Variants in CEP128 observed in about 807,000 individuals in gnomAD.
The protein encoded by CEP128 is centrosomal protein 128.
Under a neutral mutation model 156.7 loss-of-function variants are expected in CEP128, and 132 were observed. The observed-to-expected ratio is 0.84, with a 90% CI of 0.73 to 0.97. The LOEUF (loss-of-function observed/expected upper bound fraction) is 0.97. Among genes scored for constraint, CEP128 ranks in the 50% least tolerant of loss-of-function variants. CEP128 has a pLI of 0.00. For missense variants in CEP128, 1,252 were observed against 1,281.9 expected, an observed-to-expected ratio of 0.98 and a Z score of 0.36; for synonymous variants, 469 against 448.9, an observed-to-expected ratio of 1.04 and a Z score of -0.57.
At chr14:80,533,552 A>G (rs913077308) in intron 21 of CEP128, among the ~76,000 whole-genome samples, 1 of 152,142 alleles carries the variant, frequency 6.6e-6, no homozygotes, top group Non-Finnish European at 1.5e-5. Flanking sequence ...ATTTTTGACA[A>G]TTATATGATG....
At chr14:80,898,392 C>T (rs1422472185) in intron 7 of CEP128, among the ~76,000 whole-genome samples, 3 of 152,146 alleles carry the variant, frequency 2.0e-5, no homozygotes, top group Non-Finnish European at 2.9e-5. Context: ...CCCAAGAAAC[C>T]TAACTCCTAT....
chr14:80,711,295 T>TTGTG (rs138953286), intron 19 of CEP128, among the ~76,000 whole-genome samples: 19,660 of 145,688 alleles, frequency 0.13, 1,716 homozygotes, highest in African/African-American at 0.25. Flanking sequence ...TAAGACTATG[T>TTGTG]TGTGTGTGTG....
At chr14:80,819,048 G>C in intron 13 of CEP128, among the ~76,000 whole-genome samples, 1 of 152,040 alleles carries the variant, frequency 6.6e-6, no homozygotes, top group East Asian at 1.9e-4. Flanking sequence ...CTTTAACAAA[G>C]CACCACAGAC....
Position 80,831,358 on chromosome 14 carries a change from T to C in CEP128, c.1058-64A>G, listed in dbSNP as rs569528793. The C allele has an allele frequency of 1.5e-4, 223 of 1,504,880 alleles. 1 individual carries two copies. The South Asian group carries it at 2.1e-3, about 14-fold the overall frequency. The allele number at this position is 1,504,880 out of a possible 1,614,324, so 93.2% of individuals were successfully genotyped here. A position where few individuals can be genotyped will look rare whatever the true frequency, so the allele number is the denominator to read the frequency against. On this transcript the variant is annotated intron_variant, in intron 12 of 24. Transcript: ENST00000555265. ...ATTCACAGAAGAATGTACTTTCAAA[T>C]AGTACTGAGCCCTGATGTTTCAATA...
intron 24 of CEP128, among the ~76,000 whole-genome samples, chr14:80,497,868 C>A (rs1256204042): frequency 6.6e-6 from 1 of 152,196 alleles, no homozygotes; most frequent in Non-Finnish European, 1.5e-5. Flanking sequence ...CCGGTGTGCA[C>A]GTGCACACGC....
At chr14:80,936,082 A>G (rs890548423) in intron 2 of CEP128, among the ~76,000 whole-genome samples, 11 of 152,310 alleles carry the variant, frequency 7.2e-5, no homozygotes, top group African/African-American at 2.6e-4. Flanking sequence ...AGAGCAGGAG[A>G]CAGAATCAAA....
intron 21 of CEP128, among the ~76,000 whole-genome samples, chr14:80,550,340 C>T (rs945075004): frequency 6.6e-6 from 1 of 152,092 alleles, no homozygotes; most frequent in Admixed American, 6.6e-5. Flanking sequence ...ATGTATCTCT[C>T]TCACACAGAT....
At chr14:80,939,844 T>A (rs1029984152) in intron 1 of CEP128, among the ~76,000 whole-genome samples, 10 of 152,218 alleles carry the variant, frequency 6.6e-5, no homozygotes, top group Admixed American at 2.6e-4. Flanking sequence ...TGTATGAGCA[T>A]GTCTAAAAGT....
intron 21 of CEP128, among the ~76,000 whole-genome samples, chr14:80,532,295 G>C (rs1221917116): frequency 6.6e-6 from 1 of 152,006 alleles, no homozygotes; most frequent in Non-Finnish European, 1.5e-5. Flanking sequence ...CTGGGCTCAA[G>C]GGATCCTCTG....
chr14:80,796,382 C>T (rs1883478131), intron 13 of CEP128, among the ~76,000 whole-genome samples: 1 of 152,072 alleles, frequency 6.6e-6, no homozygotes, highest in Non-Finnish European at 1.5e-5. Flanking sequence ...ACAGCTTGAA[C>T]CCAGGAGGTG....
rs1211818695 is a variant in CEP128, at chr14:80,747,383, G to A, written c.2614-4116C>T. 2.0e-5 allele frequency among the ~76,000 whole-genome samples: 3 copies of A among 152,110 alleles called. 1 individual carries two copies. The highest frequency in any genetic ancestry group is 2.4e-5 in the African/African-American group (1 of 41,412). The stretch of plus-strand genomic sequence containing the variant: ...TTTAAAAAGTGGAGTATATCCAAAC[G>A]ATGAAACATTATTTGGCCATAAAAA... On this transcript the variant is annotated intron_variant, in intron 18 of 24. Transcript: ENST00000555265.
chr14:80,689,043 A>G (rs1278667351), intron 19 of CEP128, among the ~76,000 whole-genome samples: 1 of 152,128 alleles, frequency 6.6e-6, no homozygotes, highest in Non-Finnish European at 1.5e-5. Flanking sequence ...TACAATATGC[A>G]CTGGAGATAC....
At chr14:80,771,093 ACT>A (rs1290813965) in intron 16 of CEP128, among the ~76,000 whole-genome samples, 1 of 152,188 alleles carries the variant, frequency 6.6e-6, no homozygotes, top group Non-Finnish European at 1.5e-5. Flanking sequence ...ACACTGATTC[ACT>A]GTTTCCTCTC....
At chr14:80,947,093 A>C (rs1191898775) in intron 2 of CEP128, among the ~76,000 whole-genome samples, 1 of 152,152 alleles carries the variant, frequency 6.6e-6, no homozygotes, top group Non-Finnish European at 1.5e-5. Context: ...CTGTACAGCC[A>C]ATAGAACTAT....
intron 8 of CEP128, among the ~76,000 whole-genome samples, chr14:80,880,078 C>T (rs1888460155): frequency 6.6e-6 from 1 of 152,042 alleles, no homozygotes; most frequent in African/African-American, 2.4e-5. Context: ...TGGAAATCTT[C>T]AATAAAATAT....
At chr14:80,935,646 CA>C (rs375122664) in intron 2 of CEP128, among the ~76,000 whole-genome samples, 6 of 51,596 alleles carry the variant, frequency 1.2e-4, no homozygotes, top group African/African-American at 2.7e-4. Flanking sequence ...GTCCCCCCAC[CA>C]AAAAAAAAAA....
chr14:80,853,234 A>G (rs1240559629), intron 9 of CEP128, among the ~76,000 whole-genome samples: 2 of 151,926 alleles, frequency 1.3e-5, no homozygotes, highest in African/African-American at 4.8e-5. Context: ...CAAATATAGA[A>G]GTAACACAAG....
At chr14:80,810,700 T>C (rs893466466) in intron 13 of CEP128, among the ~76,000 whole-genome samples, 2 of 152,212 alleles carry the variant, frequency 1.3e-5, no homozygotes, top group African/African-American at 4.8e-5. Flanking sequence ...AAAAATACTT[T>C]GGGAAGATTG....
rs147781799 is a variant in CEP128, at chr14:80,737,068, C to A, written c.2806+6007G>T. On this transcript the variant is annotated intron_variant, in intron 19 of 24. Transcript: ENST00000555265. ...AAAAATTATGATTTGACTCTAAGAG[C>A]GGGCATAATTTTTTAAAAACTATTC... Among the ~76,000 whole-genome samples the A allele has an allele frequency of 3.0e-3, 454 of 152,220 alleles. 4 individuals are homozygous for A. Among genetic ancestry groups the A allele is most frequent in the Non-Finnish European group, 4.7e-3 (319 of 68,014 alleles).
Sources: gnomAD v4.1 joint callset for allele counts (sites outside exome capture counted in the v4.1 genomes callset) on GRCh38, gnomAD v4.1.1 for gene constraint, MANE v1.5 for transcripts, NCBI Gene and HGNC (gene_info 2026-07-23, HGNC 2026-07-21) for gene names.